The following AKT1 variants were observed in gnomAD, a reference collection of about 807,000 sequenced individuals.
AKT1 encodes AKT serine/threonine kinase 1.
A neutral mutation model predicts 63.1 loss-of-function variants in AKT1; 21 were observed. The ratio of observed to expected loss-of-function variants is 0.33; its 90% confidence interval spans 0.24 to 0.48. AKT1 has a LOEUF of 0.48. Ranked by LOEUF, AKT1 falls within the 20% of genes least tolerant of loss-of-function variation. The pLI is 0.99. For missense variants in AKT1, 382 were observed against 666.0 expected (o/e 0.57, Z 4.69); for synonymous variants, 257 against 253.1 (o/e 1.02, Z -0.15).
rs139453090 is a variant in AKT1, at chr14:104,774,992, G to C, written c.579C>G (p.Ala193=). 1.9e-6 allele frequency: 3 copies of C among 1,612,864 alleles called. No homozygotes were observed. The highest frequency in any genetic ancestry group is 1.3e-5 in the African/African-American group (1 of 74,796). The change falls in exon 8 of 15, where the codon GCC becomes GCG. Residue 193 remains alanine, a synonymous_variant. Transcript: ENST00000649815. The part of the protein sequence containing the change: ...KEVIVAKDEV[A]HTLTENRVLQ... ...GGACGCGGTTCTCGGTGAGTGTGTG[G>C]GCCACCTCGTCCTGTAAAGCAGGGC...
rs566677791 is a variant in AKT1 at position 104,769,576 on chromosome 14, C to A, written c.*765G>T. Reference sequence around the variant, plus strand: ...AAGCGTCGAAAAGGTCAAGTGCTACCGTGGAGAGATCATCTGAGGGGGAGG... The same window carrying A: ...AAGCGTCGAAAAGGTCAAGTGCTACAGTGGAGAGATCATCTGAGGGGGAGG... On this transcript the variant is annotated 3_prime_UTR_variant, in exon 15 of 15. Transcript: ENST00000649815. 1 of 533,144 alleles carries A rather than the reference C, an allele frequency of 1.9e-6. No individual in the cohort carries two copies. The highest frequency in any genetic ancestry group is 2.2e-5 in the Admixed American group (1 of 44,728). 33.0% of individuals were successfully genotyped at this position (533,144 alleles called of 1,614,324 possible).
intron 13 of AKT1, 59 bp downstream of exon 13, chr14:104,772,306 C>T (rs535767596): frequency 5.1e-6 from 8 of 1,575,228 alleles, no homozygotes; most frequent in East Asian, 2.2e-5. Context: ...CACGTGCATG[C>T]GTGAGTGTGG....
intron 3 of AKT1, among the ~76,000 whole-genome samples, chr14:104,786,048 C>G (rs1021093850): frequency 6.6e-6 from 1 of 152,158 alleles, no homozygotes; most frequent in African/African-American, 2.4e-5. Context: ...TGCCACACAC[C>G]CATCCATCGC....
At chr14:104,782,861 G>A (rs997527422) in intron 3 of AKT1, among the ~76,000 whole-genome samples, 8 of 152,144 alleles carry the variant, frequency 5.3e-5, no homozygotes, top group African/African-American at 1.4e-4. Context: ...TTCATCTCTC[G>A]CCTAGAGGGT....
chr14:104,770,891 A>C (rs989078773), intron 13 of AKT1, 44 bp from the exon 14 acceptor site: 1 of 1,556,364 alleles, frequency 6.4e-7, no homozygotes, highest in African/African-American at 1.4e-5. Flanking sequence ...TTCGCTCCCC[A>C]CTCCCAGCAC....
Position 104,769,709 on chromosome 14 carries a change from A to G in AKT1, c.*632T>C, listed in dbSNP as rs1566814449. On this transcript the variant is annotated 3_prime_UTR_variant, in exon 15 of 15. Transcript: ENST00000649815. ...AAAATGCATTTGAACAACATAATAC[A>G]CAATAACAAATTTAAACCTTGCTCC... The G allele has an allele frequency of 2.4e-6, 1 of 414,716 alleles. No homozygotes were observed. Among genetic ancestry groups the G allele is most frequent in the Non-Finnish European group, 4.6e-6 (1 of 216,758 alleles). The allele number at this position is 414,716 out of a possible 1,614,324, so 25.7% of individuals were successfully genotyped here.
chr14:104,776,470 C>T (rs1015726256), intron 5 of AKT1, 189 bp downstream of exon 5: 19 of 542,324 alleles, frequency 3.5e-5, no homozygotes, highest in Non-Finnish European at 5.2e-5. Context: ...TATCTCCAGC[C>T]TCAGTTTCCC....
At chr14:104,785,385 G>A (rs1354630325) in intron 3 of AKT1, among the ~76,000 whole-genome samples, 1 of 152,240 alleles carries the variant, frequency 6.6e-6, no homozygotes, top group African/African-American at 2.4e-5. Flanking sequence ...ACCCCACTTG[G>A]CTGGAGCCCC....
rs895896956 is a variant in AKT1 at position 104,774,705 on chromosome 14, G to A, written c.633+233C>T. The stretch of plus-strand genomic sequence containing the variant: ...CTCGGCAGAGTGCAAGGAAGACCAG[G>A]GCCACCTGCCCCACCCACCTGCCCG... On this transcript the variant is annotated intron_variant, in intron 8 of 14. Coordinates refer to ENST00000649815, the MANE Select transcript of AKT1 (RefSeq NM_001382430.1). 3 of 575,488 alleles carry A rather than the reference G, an allele frequency of 5.2e-6. No homozygotes were observed. The African/African-American group carries it at 5.6e-5, about 11-fold the overall frequency. 35.6% of individuals were successfully genotyped at this position (575,488 alleles called of 1,614,324 possible). A position where few individuals can be genotyped will look rare whatever the true frequency, so the allele number is the denominator to read the frequency against.
At chr14:104,790,626 G>A (rs61758468) in intron 3 of AKT1, among the ~76,000 whole-genome samples, 3,320 of 152,320 alleles carry the variant, frequency 0.022, 132 homozygotes, top group African/African-American at 0.077. Context: ...AACAAGAGGG[G>A]CTATGCCTGC....
At chr14:104,772,846 T>C (rs772539695) in intron 12 of AKT1, 32 bp downstream of exon 12, 3 of 1,582,946 alleles carry the variant, frequency 1.9e-6, no homozygotes, top group Admixed American at 3.5e-5. Context: ...GGGATGGAGG[T>C]GTAGCCTGTA....
intron 13 of AKT1, chr14:104,771,620 G>A (rs554102976): frequency 2.6e-5 from 6 of 233,338 alleles, no homozygotes; most frequent in Admixed American, 2.2e-4. Flanking sequence ...TGGGAGAACA[G>A]GTGCCCAGCT....
At chr14:104,789,941 C>T (rs1159490178) in intron 3 of AKT1, among the ~76,000 whole-genome samples, 1 of 152,244 alleles carries the variant, frequency 6.6e-6, no homozygotes, top group Non-Finnish European at 1.5e-5. Flanking sequence ...GCTCCTCTGA[C>T]TCAGAGCACA....
At chr14:104,780,994 C>T (rs969760260) in intron 3 of AKT1, among the ~76,000 whole-genome samples, 18 of 152,342 alleles carry the variant, frequency 1.2e-4, no homozygotes, top group Middle Eastern at 3.4e-3. Flanking sequence ...GGCCCTGCCG[C>T]GTCCCACCCG....
rs1892665030 is a variant in AKT1, at chr14:104,775,767, G to T, written c.320C>A (p.Ala107Asp). Residue 107 changes from alanine (A) to aspartate (D), a missense_variant, in exon 6 of 15, where the codon GCT becomes GAT. By Grantham distance (126) the Ala-to-Asp change is moderately radical. Around this residue, in one of 3 missense-constraint regions of AKT1, gnomAD observed 226 missense variants for 366.4 expected, o/e 0.62. Transcript: ENST00000649815. ...CTCCTCCTGCTTCTTGAGGCCGTCA[G>T]CCACAGTCTGGATGGCGGTTGTCCA... ...EEWTTAIQTV[A>D]DGLKKQEEEE... The T allele has an allele frequency of 6.2e-7, 1 of 1,613,932 alleles. No homozygotes were observed. The highest frequency in any genetic ancestry group is 1.3e-5 in the African/African-American group (1 of 74,920).
chr14:104,773,105 C>T lies in AKT1; in HGVS notation c.958-13G>A, dbSNP rs768409564. The T allele has an allele frequency of 6.2e-7, 1 of 1,613,506 alleles. No individual in the cohort carries two copies. The highest frequency in any genetic ancestry group is 8.5e-7 in the Non-Finnish European group (1 of 1,179,722). ...TGTCCTCCAGCACCTGCACGGGTGG[C>T]AGATGGGCAGGACTCGGCATCAAGG... On this transcript the variant is annotated splice_polypyrimidine_tract_variant and intron_variant, in intron 11 of 14. Coordinates refer to ENST00000649815, the MANE Select transcript of AKT1 (RefSeq NM_001382430.1).
chr14:104,772,323 G>A (rs755731039), intron 13 of AKT1, 42 bp downstream of exon 13: 1 of 1,598,940 alleles, frequency 6.3e-7, no homozygotes, highest in Non-Finnish European at 8.6e-7. Context: ...GTGGATATGT[G>A]GGGAGCATGC....
intron 8 of AKT1, 156 bp from the exon 9 acceptor site, chr14:104,774,136 C>CGCTGCCTG (rs1892568407): frequency 2.5e-5 from 17 of 683,582 alleles, no homozygotes; most frequent in South Asian, 2.4e-4. Context: ...CCTGATACCA[C>CGCTGCCTG]ACCGCCCGAT....
At position 104,773,983 on chromosome 14, in the gene AKT1, G is replaced by A. The variant is rs1892556286; in HGVS notation, c.634-3C>T. The A allele has an allele frequency of 1.2e-6, 2 of 1,611,774 alleles. No individual in the cohort carries two copies. The highest frequency in any genetic ancestry group is 2.2e-5 in the East Asian group (1 of 44,830). ...GTCTGGAAAGAGTACTTCAGGGCCT[G>A]CAAGGAAGGGGAGCTGGAACTGCGG... On this transcript the variant is annotated splice_polypyrimidine_tract_variant and splice_region_variant and intron_variant, in intron 8 of 14. Coordinates refer to ENST00000649815, the MANE Select transcript of AKT1 (RefSeq NM_001382430.1).
Sources: gnomAD v4.1 joint callset for allele counts (sites outside exome capture counted in the v4.1 genomes callset) on GRCh38, gnomAD v4.1.1 for gene constraint, gnomAD v4.1.1 regional missense constraint, MANE v1.5 for transcripts, NCBI Gene and HGNC (gene_info 2026-07-23, HGNC 2026-07-21) for gene names.